Variants in NCAM2 observed in about 807,000 individuals in gnomAD.
NCAM2 encodes the protein N-CAM-2.
A neutral mutation model predicts 98.1 loss-of-function variants in NCAM2; 30 were observed. The observed-to-expected ratio is 0.31, with a 90% CI of 0.23 to 0.41. The LOEUF (loss-of-function observed/expected upper bound fraction) is 0.41, where lower values mean the gene tolerates loss of function less well. Among genes scored for constraint, NCAM2 ranks in the 10% least tolerant of loss-of-function variants. The pLI is 1.00. For missense variants in NCAM2, 867 were observed against 1,005.8 expected, an observed-to-expected ratio of 0.86 and a Z score of 1.87; for synonymous variants, 368 against 342.4, an observed-to-expected ratio of 1.07 and a Z score of -0.83.
At position 21,538,014 on chromosome 21, in the gene NCAM2, C is replaced by G. The variant is rs1990078141; in HGVS notation, c.*57C>G. On this transcript the variant is annotated 3_prime_UTR_variant, in exon 18 of 18. Coordinates refer to ENST00000400546, the MANE Select transcript of NCAM2 (RefSeq NM_004540.5). ...CGAAGAGTATTTGGATTGCGTGACC[C>G]TATGACCAAAACTATTCCATTGACC... 1 of 1,016,906 alleles carries G rather than the reference C, an allele frequency of 9.8e-7. No homozygotes were observed. Among genetic ancestry groups the G allele is most frequent in the Middle Eastern group, 2.2e-4 (1 of 4,594 alleles). 63.0% of individuals were successfully genotyped at this position (1,016,906 alleles called of 1,614,324 possible).
intron 1 of NCAM2, among the ~76,000 whole-genome samples, chr21:21,256,247 T>C (rs1369344590): frequency 1.3e-5 from 2 of 151,792 alleles, no homozygotes; most frequent in Admixed American, 1.3e-4. Flanking sequence ...TCCTAGCAAC[T>C]AGGGAGGCTG....
At chr21:21,361,169 A>G (rs1299722776) in intron 8 of NCAM2, among the ~76,000 whole-genome samples, 2 of 152,046 alleles carry the variant, frequency 1.3e-5, no homozygotes, top group Non-Finnish European at 2.9e-5. Flanking sequence ...CTCCCTATAT[A>G]TAATCATACC....
intron 15 of NCAM2, among the ~76,000 whole-genome samples, chr21:21,480,359 T>TC (rs1475722894): frequency 1.0e-5 from 1 of 95,756 alleles, no homozygotes; most frequent in Non-Finnish European, 1.7e-5. Context: ...AGAGCGAGAC[T>TC]CCATCTCAAA....
chr21:21,210,841 A>T, intron 1 of NCAM2: 1 of 277,298 alleles, frequency 3.6e-6, no homozygotes, highest in Non-Finnish European at 6.8e-6. Flanking sequence ...ATAAATTACC[A>T]GTGGTGTGGG....
chr21:21,066,871 G>C (rs908258889), intron 1 of NCAM2, among the ~76,000 whole-genome samples: 10 of 151,972 alleles, frequency 6.6e-5, no homozygotes, highest in African/African-American at 2.2e-4. Flanking sequence ...CTGTGTTATT[G>C]ATAGGAAGTG....
chr21:21,467,328 G>A (rs901423482), intron 13 of NCAM2, among the ~76,000 whole-genome samples: 1 of 148,806 alleles, frequency 6.7e-6, no homozygotes, highest in South Asian at 2.1e-4. Context: ...TAATAAATAC[G>A]ACTGAACCAC....
intron 1 of NCAM2, among the ~76,000 whole-genome samples, chr21:21,155,074 T>A (rs1254247435): frequency 2.6e-5 from 4 of 151,632 alleles, no homozygotes; most frequent in Admixed American, 2.6e-4. Flanking sequence ...AAACAAGATT[T>A]TGTACTTGGC....
At chr21:21,488,538 C>G (rs894237846) in intron 15 of NCAM2, among the ~76,000 whole-genome samples, 1 of 151,570 alleles carries the variant, frequency 6.6e-6, no homozygotes, top group Non-Finnish European at 1.5e-5. Context: ...GAAATAAAAC[C>G]TTAAAATTAC....
chr21:21,234,993 G>A (rs1244485881), intron 1 of NCAM2, among the ~76,000 whole-genome samples: 2 of 151,758 alleles, frequency 1.3e-5, no homozygotes, highest in Non-Finnish European at 2.9e-5. Context: ...ATAATATTTT[G>A]CAGTTTTAAA....
At chr21:21,395,311 C>T (rs918249503) in intron 9 of NCAM2, among the ~76,000 whole-genome samples, 4 of 151,952 alleles carry the variant, frequency 2.6e-5, no homozygotes, top group African/African-American at 7.3e-5. Context: ...TCCTGGCCCA[C>T]AGCCGGGACA....
chr21:21,027,400 T>C (rs8133604), intron 1 of NCAM2, among the ~76,000 whole-genome samples: 9,605 of 152,262 alleles, frequency 0.063, 299 homozygotes, highest in East Asian at 0.073. Flanking sequence ...TGTCTTTTCC[T>C]GCCAGGAACT....
intron 8 of NCAM2, among the ~76,000 whole-genome samples, chr21:21,346,902 T>C (rs1158925405): frequency 6.6e-6 from 1 of 151,820 alleles, no homozygotes; most frequent in Non-Finnish European, 1.5e-5. Context: ...TTTATAGCTA[T>C]AGGAGCCTCC....
At chr21:21,442,647 C>A (rs564652692) in intron 12 of NCAM2, among the ~76,000 whole-genome samples, 9 of 152,052 alleles carry the variant, frequency 5.9e-5, no homozygotes, top group East Asian at 1.9e-4. Context: ...GTGAAGTCAA[C>A]AGAGGAATAA....
intron 15 of NCAM2, among the ~76,000 whole-genome samples, chr21:21,496,343 T>C (rs1287807865): frequency 3.9e-5 from 6 of 152,082 alleles, no homozygotes; most frequent in Admixed American, 1.3e-4. Context: ...ATTGTGGTTT[T>C]GATTTACATT....
At chr21:21,510,346 C>T (rs182077443) in intron 16 of NCAM2, among the ~76,000 whole-genome samples, 40 of 152,214 alleles carry the variant, frequency 2.6e-4, no homozygotes, top group African/African-American at 9.4e-4. Context: ...AGTCCACCCA[C>T]ATTAACCTCC....
intron 1 of NCAM2, among the ~76,000 whole-genome samples, chr21:21,081,283 C>A (rs1269522166): frequency 6.6e-6 from 1 of 152,142 alleles, no homozygotes; most frequent in Non-Finnish European, 1.5e-5. Context: ...CTCCTGAGAT[C>A]TTGTCGGGAA....
intron 12 of NCAM2, among the ~76,000 whole-genome samples, chr21:21,454,364 T>C (rs1981802776): frequency 6.6e-6 from 1 of 152,056 alleles, no homozygotes; most frequent in Non-Finnish European, 1.5e-5. Context: ...AGTCAATATA[T>C]TTGAATCCCA....
chr21:21,303,323 C>G (rs1480038515), intron 5 of NCAM2, among the ~76,000 whole-genome samples: 1 of 151,940 alleles, frequency 6.6e-6, no homozygotes, highest in African/African-American at 2.4e-5. Context: ...GTGAATGTAT[C>G]TATTATCCAT....
At chr21:21,474,279 C>A (rs1170034571) in intron 14 of NCAM2, among the ~76,000 whole-genome samples, 1 of 151,948 alleles carries the variant, frequency 6.6e-6, no homozygotes, top group Non-Finnish European at 1.5e-5. Flanking sequence ...GTTAGAGCTC[C>A]CTTTGGTTTC....
Sources: gnomAD v4.1 joint callset for allele counts (sites outside exome capture counted in the v4.1 genomes callset) on GRCh38, gnomAD v4.1.1 for gene constraint, MANE v1.5 for transcripts, NCBI Gene and HGNC (gene_info 2026-07-23, HGNC 2026-07-21) for gene names.